Variants in PRR5L observed in about 807,000 individuals in gnomAD.
The protein encoded by PRR5L is proline-rich protein 5-like.
PRR5L carries 21 observed loss-of-function variants against 36.4 expected under a neutral mutation model. The observed-to-expected ratio is 0.58, with a 90% CI of 0.41 to 0.83. PRR5L has a LOEUF of 0.83. Among genes scored for constraint, PRR5L ranks in the 40% least tolerant of loss-of-function variants. PRR5L has a pLI of 0.00. For synonymous variants in PRR5L, 188 were observed against 197.0 expected (o/e 0.95, Z 0.38); for missense variants, 381 against 473.3 (o/e 0.80, Z 1.81).
At chr11:36,444,102 C>T (rs187565141) in intron 6 of PRR5L, among the ~76,000 whole-genome samples, 257 of 152,306 alleles carry the variant, frequency 1.7e-3, no homozygotes, top group East Asian at 9.5e-3. Flanking sequence ...TTGAAACACA[C>T]ACACACACGT....
intron 1 of PRR5L, among the ~76,000 whole-genome samples, chr11:36,308,282 T>G (rs73443130): frequency 0.044 from 6,760 of 152,266 alleles, 497 homozygotes; most frequent in African/African-American, 0.15. Context: ...TGCTAGAAAT[T>G]GATTATTGAG....
At chr11:36,303,423 A>G (rs1856397862) in intron 1 of PRR5L, among the ~76,000 whole-genome samples, 1 of 152,222 alleles carries the variant, frequency 6.6e-6, no homozygotes, top group African/African-American at 2.4e-5. Flanking sequence ...AGAAGACATT[A>G]TCAGAACCAT....
chr11:36,299,874 TA>T (rs1010490368), intron 1 of PRR5L, among the ~76,000 whole-genome samples: 1 of 152,054 alleles, frequency 6.6e-6, no homozygotes, highest in Non-Finnish European at 1.5e-5. Flanking sequence ...ACTATAAAGG[TA>T]AACAACAACA....
chr11:36,396,524 T>C (rs1391131681), intron 1 of PRR5L, among the ~76,000 whole-genome samples: 1 of 152,236 alleles, frequency 6.6e-6, no homozygotes, highest in African/African-American at 2.4e-5. Context: ...GCTGCTGTTG[T>C]ATTCCCACTG....
At position 36,400,043 on chromosome 11, in the gene PRR5L, G is replaced by A. The variant is rs145677134; in HGVS notation, c.-125-954G>A. ...AAACCTGAAGCCACTGCCTTTAACCGCGAAGCCATGAAGTCTCCCAGCAAC... is the reference window on the plus strand; with the variant it reads ...AAACCTGAAGCCACTGCCTTTAACCACGAAGCCATGAAGTCTCCCAGCAAC... On this transcript the variant is annotated intron_variant, in intron 1 of 8. Transcript: ENST00000530639. 2.3e-3 allele frequency among the ~76,000 whole-genome samples: 348 copies of A among 152,332 alleles called. 1 individual carries two copies. The highest frequency in any genetic ancestry group is 4.0e-3 in the Admixed American group (61 of 15,300).
chr11:36,354,517 C>A (rs1857006652), intron 1 of PRR5L, among the ~76,000 whole-genome samples: 3 of 152,070 alleles, frequency 2.0e-5, no homozygotes, highest in Non-Finnish European at 4.4e-5. Flanking sequence ...TGCACAGAAG[C>A]AGTGAGAGGA....
At chr11:36,450,929 G>T (rs1401432888) in intron 7 of PRR5L, among the ~76,000 whole-genome samples, 1 of 152,250 alleles carries the variant, frequency 6.6e-6, no homozygotes, top group African/African-American at 2.4e-5. Flanking sequence ...TTTGAGACCA[G>T]CCAGATCTCA....
chr11:36,437,036 A>C (rs7929195), intron 5 of PRR5L, among the ~76,000 whole-genome samples: 113,269 of 151,936 alleles, frequency 0.75, 45,239 homozygotes, highest in Non-Finnish European at 0.89. Flanking sequence ...GTAAGTAATG[A>C]GCTCTCTTTC....
intron 6 of PRR5L, among the ~76,000 whole-genome samples, chr11:36,438,943 T>TA (rs890096742): frequency 6.6e-6 from 1 of 151,760 alleles, no homozygotes; most frequent in Non-Finnish European, 1.5e-5. Flanking sequence ...TCGAAATAAA[T>TA]AAATACTACG....
intron 1 of PRR5L, among the ~76,000 whole-genome samples, chr11:36,348,297 G>C (rs1365713459): frequency 6.6e-6 from 1 of 152,006 alleles, no homozygotes; most frequent in African/African-American, 2.4e-5. Context: ...CAGCCTTCAC[G>C]GTATCTATTG....
intron 1 of PRR5L, among the ~76,000 whole-genome samples, chr11:36,307,684 C>T (rs147464482): frequency 9.2e-5 from 14 of 152,330 alleles, no homozygotes; most frequent in East Asian, 3.9e-4. Flanking sequence ...TGAAAGAATA[C>T]GCACAAATGT....
At chr11:36,360,204 A>G (rs1857072594) in intron 1 of PRR5L, among the ~76,000 whole-genome samples, 1 of 152,136 alleles carries the variant, frequency 6.6e-6, no homozygotes, top group African/African-American at 2.4e-5. Context: ...ACAATGACAT[A>G]CTGTTCTTCT....
intron 8 of PRR5L, among the ~76,000 whole-genome samples, chr11:36,458,413 G>A (rs908652794): frequency 2.0e-5 from 3 of 152,190 alleles, no homozygotes; most frequent in African/African-American, 7.2e-5. Flanking sequence ...TAAACAGCGA[G>A]ATCATGGGTG....
At chr11:36,414,893 G>A (rs549325751) in intron 3 of PRR5L, among the ~76,000 whole-genome samples, 24 of 141,394 alleles carry the variant, frequency 1.7e-4, no homozygotes, top group Admixed American at 5.6e-4. Context: ...TTTGTATAAG[G>A]TGTAAGGAAG....
At chr11:36,416,181 T>C (rs558200068) in intron 3 of PRR5L, among the ~76,000 whole-genome samples, 26 of 149,672 alleles carry the variant, frequency 1.7e-4, no homozygotes, top group Non-Finnish European at 2.4e-4. Context: ...AATGAAAAAC[T>C]CTGCATATAT....
chr11:36,296,603 T>C (rs985644056), intron 1 of PRR5L, among the ~76,000 whole-genome samples, 165 bp downstream of exon 1: 2 of 152,344 alleles, frequency 1.3e-5, no homozygotes, highest in African/African-American at 4.8e-5. Context: ...AGAGGTCAAG[T>C]TCAGCAGCCT....
chr11:36,365,008 G>C (rs1468694890), intron 1 of PRR5L, among the ~76,000 whole-genome samples: 1 of 152,186 alleles, frequency 6.6e-6, no homozygotes, highest in Non-Finnish European at 1.5e-5. Flanking sequence ...TACATCACAG[G>C]CAGGCTGTAA....
chr11:36,446,300 G>A lies in PRR5L; in HGVS notation c.445G>A (p.Gly149Ser). The change falls in exon 7 of 9, where the codon GGC (glycine) becomes AGC (serine). Residue 149 changes from glycine to serine, a missense_variant and splice_region_variant. Physicochemically the swap from Gly to Ser is moderately conservative, Grantham distance 56 (BLOSUM62 0). Transcript: ENST00000530639. ...TLQAIFYPVQ[G>S]QELTIRQISL... ...GCCCTCTCTCCTCTGTCCCCTCTAG[G>A]GCCAGGAGCTGACTATCCGCCAGAT... 6.2e-7 allele frequency: 1 copy of A among 1,613,392 alleles called. No individual in the cohort carries two copies. The highest frequency in any genetic ancestry group is 1.6e-4 in the Middle Eastern group (1 of 6,062).
At chr11:36,410,263 C>T (rs113478216) in intron 3 of PRR5L, among the ~76,000 whole-genome samples, 5,076 of 152,226 alleles carry the variant, frequency 0.033, 257 homozygotes, top group African/African-American at 0.11. Flanking sequence ...TCCAGGTTTC[C>T]GGCCTCTCTG....
Sources: allele counts gnomAD v4.1 joint callset (sites outside exome capture counted in the v4.1 genomes callset), GRCh38; gene constraint gnomAD v4.1.1; transcripts MANE v1.5; gene names NCBI Gene and HGNC (gene_info 2026-07-23, HGNC 2026-07-21).